ATP8A2: variants seen among roughly 807,000 people sequenced by gnomAD.
ATP8A2 encodes the protein ATPase phospholipid transporting 8A2, also known as phospholipid-transporting ATPase IB.
Under a neutral mutation model 165.6 loss-of-function variants are expected in ATP8A2, and 100 were observed. The ratio of observed to expected loss-of-function variants is 0.60; its 90% CI spans 0.51 to 0.71. The LOEUF is 0.71. ATP8A2 is among the 30% of genes least tolerant of loss of function. The probability of loss-of-function intolerance (pLI) is 0.00; values close to 1 mark genes in which losing one functional copy is unlikely to be tolerated. For synonymous variants in ATP8A2, 543 were observed against 548.8 expected (o/e 0.99, Z 0.15); for missense variants, 1,227 against 1,479.5 (o/e 0.83, Z 2.80).
chr13:25,499,786 T>C (rs2036793927), intron 2 of ATP8A2, among the ~76,000 whole-genome samples: 3 of 139,586 alleles, frequency 2.1e-5, no homozygotes, highest in African/African-American at 7.4e-5. Context: ...AAGAACTAGA[T>C]AACTTCAGAT....
At chr13:25,718,304 G>A (rs1161870304) in intron 25 of ATP8A2, among the ~76,000 whole-genome samples, 1 of 152,148 alleles carries the variant, frequency 6.6e-6, no homozygotes, top group African/African-American at 2.4e-5. Flanking sequence ...ACTTCATTAA[G>A]CAACATCTTA....
At chr13:25,834,585 A>T (rs1033021639) in intron 28 of ATP8A2, among the ~76,000 whole-genome samples, 3 of 152,240 alleles carry the variant, frequency 2.0e-5, no homozygotes, top group Non-Finnish European at 4.4e-5. Flanking sequence ...CTGCATTACC[A>T]TCAAACCCAA....
At chr13:25,678,931 CA>C (rs2042427570) in intron 24 of ATP8A2, among the ~76,000 whole-genome samples, 1 of 152,224 alleles carries the variant, frequency 6.6e-6, no homozygotes, top group African/African-American at 2.4e-5. Context: ...AGTTGGGTTT[CA>C]GGGGCAAAGA....
At chr13:25,540,516 T>A in intron 8 of ATP8A2, 128 bp downstream of exon 8, 1 of 701,064 alleles carries the variant, frequency 1.4e-6, no homozygotes, top group Non-Finnish European at 2.5e-6. Flanking sequence ...TAATGGAATC[T>A]ATGGGAAGAA....
At position 25,695,282 on chromosome 13, in the gene ATP8A2, G is replaced by A. The variant is rs544616769; in HGVS notation, c.2212-3891G>A. Among the ~76,000 whole-genome samples, 347 of 152,248 alleles carry A rather than the reference G, an allele frequency of 2.3e-3. 3 individuals are homozygous for A. Among genetic ancestry groups the A allele is most frequent in the African/African-American group, 8.0e-3 (331 of 41,528 alleles). ...TTTTTACTAAAATACGCTAACAATC[G>A]CCTAAGCCTTCAGCAAGTCATAATC... On this transcript the variant is annotated intron_variant, in intron 24 of 36. Transcript: ENST00000381655.
At chr13:25,644,521 T>TTC in intron 24 of ATP8A2, among the ~76,000 whole-genome samples, 1 of 151,844 alleles carries the variant, frequency 6.6e-6, no homozygotes, top group African/African-American at 2.4e-5. Flanking sequence ...TGCAGTATTT[T>TTC]TTTTTTTGTG....
intron 33 of ATP8A2, among the ~76,000 whole-genome samples, chr13:25,935,816 C>T (rs1335285615): frequency 7.0e-6 from 1 of 142,486 alleles, no homozygotes; most frequent in Non-Finnish European, 1.5e-5. Flanking sequence ...TGGAGGCAAA[C>T]ATCCAAACTA....
chr13:25,825,654 C>T (rs1376665277), intron 27 of ATP8A2, among the ~76,000 whole-genome samples: 1 of 152,102 alleles, frequency 6.6e-6, no homozygotes, highest in Non-Finnish European at 1.5e-5. Flanking sequence ...GTGTTTGAAT[C>T]TGATGTGGAT....
At chr13:25,563,749 C>G (rs1203276376) in intron 15 of ATP8A2, among the ~76,000 whole-genome samples, 2 of 152,104 alleles carry the variant, frequency 1.3e-5, no homozygotes, top group East Asian at 3.9e-4. Context: ...TACAATAACT[C>G]GTAAAGTATC....
chr13:25,574,202 A>T (rs1388204559), intron 18 of ATP8A2, among the ~76,000 whole-genome samples: 2 of 152,234 alleles, frequency 1.3e-5, no homozygotes, highest in African/African-American at 4.8e-5. Context: ...AAAGAAAAAG[A>T]GCGTTTGATT....
intron 34 of ATP8A2, among the ~76,000 whole-genome samples, chr13:25,964,028 C>T (rs9578944): frequency 0.065 from 9,953 of 152,300 alleles, 372 homozygotes; most frequent in Admixed American, 0.12. Context: ...GAGGTGCCCG[C>T]AGGGCAAGCA....
chr13:25,520,720 A>G (rs951468075), intron 2 of ATP8A2, among the ~76,000 whole-genome samples: 2 of 150,630 alleles, frequency 1.3e-5, no homozygotes, highest in African/African-American at 4.9e-5. Flanking sequence ...TCCTGCCTCA[A>G]CCTCCCAAGT....
chr13:25,965,438 C>G (rs61947421), intron 34 of ATP8A2, among the ~76,000 whole-genome samples: 7,920 of 152,248 alleles, frequency 0.052, 225 homozygotes, highest in East Asian at 0.11. Flanking sequence ...CATAAAATGC[C>G]TACGCTATTA....
intron 35 of ATP8A2, among the ~76,000 whole-genome samples, chr13:25,969,301 CAAGATGTTAAAA>C (rs1955861148): frequency 6.6e-6 from 1 of 152,196 alleles, no homozygotes. Flanking sequence ...TTTCATCACA[CAAGATGTTAAAA>C]TGTTGTTAGA....
chr13:25,643,977 G>A (rs1483256395), intron 24 of ATP8A2, among the ~76,000 whole-genome samples: 1 of 58,320 alleles, frequency 1.7e-5, no homozygotes, highest in Non-Finnish European at 3.2e-5. Context: ...CACCTCCTTA[G>A]TTCAATTTAT....
chr13:25,676,796 C>T (rs1479039868), intron 24 of ATP8A2, among the ~76,000 whole-genome samples: 1 of 151,946 alleles, frequency 6.6e-6, no homozygotes, highest in Non-Finnish European at 1.5e-5. Context: ...GAATACAGGC[C>T]AGTATTCTCT....
At chr13:25,487,379 G>C (rs941516654) in intron 2 of ATP8A2, among the ~76,000 whole-genome samples, 1 of 152,180 alleles carries the variant, frequency 6.6e-6, no homozygotes, top group African/African-American at 2.4e-5. Context: ...GGCAGGCTCT[G>C]ATTTCTGTTT....
intron 35 of ATP8A2, among the ~76,000 whole-genome samples, chr13:25,972,160 A>G (rs1955930963): frequency 6.6e-6 from 1 of 152,256 alleles, no homozygotes; most frequent in South Asian, 2.1e-4. Context: ...TTGAAATGGT[A>G]GCCAGGGATT....
intron 1 of ATP8A2, among the ~76,000 whole-genome samples, chr13:25,421,672 C>T (rs2034303917): frequency 3.3e-5 from 5 of 152,192 alleles, no homozygotes; most frequent in Admixed American, 3.3e-4. Flanking sequence ...TATATGGAAA[C>T]TTGAAAATTA....
Sources: allele counts gnomAD v4.1 joint callset (sites outside exome capture counted in the v4.1 genomes callset), GRCh38; gene constraint gnomAD v4.1.1; transcripts MANE v1.5; gene names NCBI Gene and HGNC (gene_info 2026-07-23, HGNC 2026-07-21).